Variants in GNAO1 observed in about 807,000 individuals in gnomAD.
The protein encoded by GNAO1 is guanine nucleotide-binding protein G(o) subunit alpha.
For missense variants in GNAO1, 166 were observed against 478.7 expected (o/e 0.35, Z 6.10); for synonymous variants, 164 against 180.7 (o/e 0.91, Z 0.74).
intron 4 of GNAO1, among the ~76,000 whole-genome samples, chr16:56,333,871 T>A (rs1275591682): frequency 6.6e-6 from 1 of 152,208 alleles, no homozygotes; most frequent in African/African-American, 2.4e-5. Flanking sequence ...CCTGGCAGGC[T>A]CCATGGATCA....
chr16:56,234,497 C>G (rs1260141268), intron 2 of GNAO1, among the ~76,000 whole-genome samples: 1 of 152,252 alleles, frequency 6.6e-6, no homozygotes, highest in Non-Finnish European at 1.5e-5. Context: ...GCCAGGCCTG[C>G]AGTTCCTCAG....
intron 2 of GNAO1, among the ~76,000 whole-genome samples, chr16:56,228,134 T>C (rs2036550155): frequency 6.6e-6 from 1 of 152,170 alleles, no homozygotes; most frequent in Admixed American, 6.6e-5. Context: ...CTGGTGGCAC[T>C]TTGCAGAGCC....
chr16:56,355,386 G>C (rs1421243643), intron 8 of GNAO1: 1 of 152,510 alleles, frequency 6.6e-6, no homozygotes, highest in Non-Finnish European at 1.5e-5. Flanking sequence ...TGGGAGCTTG[G>C]TTTGGGAGTC....
chr16:56,284,721 C>T (rs776706872), intron 3 of GNAO1, among the ~76,000 whole-genome samples: 1 of 152,140 alleles, frequency 6.6e-6, no homozygotes, highest in Non-Finnish European at 1.5e-5. Flanking sequence ...TTCATCATGC[C>T]CAGTGCTAGC....
In GNAO1 at chr16:56,192,081, C is replaced by G. The variant is rs372008796; in HGVS notation, c.-155C>G. Reference sequence around the variant, plus strand: ...TTAGCGGCTGTCTTTTTGGAGGGTTCTGGTTTCCCGACATTTTTGTTTCCA... The same window carrying G: ...TTAGCGGCTGTCTTTTTGGAGGGTTGTGGTTTCCCGACATTTTTGTTTCCA... On this transcript the variant is annotated 5_prime_UTR_variant, in exon 1 of 9. Coordinates refer to ENST00000262493, the MANE Select transcript of GNAO1 (RefSeq NM_020988.3). 58 of 602,260 alleles carry G rather than the reference C, an allele frequency of 9.6e-5. No homozygotes were observed. The East Asian group carries it at 1.2e-3, about 13-fold the overall frequency. The allele number at this position is 602,260 out of a possible 1,614,324, so 37.3% of individuals were successfully genotyped here. A position where few individuals can be genotyped will look rare whatever the true frequency, so the allele number is the denominator to read the frequency against.
At chr16:56,289,403 G>T (rs552078391) in intron 3 of GNAO1, among the ~76,000 whole-genome samples, 3 of 152,202 alleles carry the variant, frequency 2.0e-5, no homozygotes, top group Non-Finnish European at 4.4e-5. Context: ...GTCCCCACCC[G>T]GTGGGGATGG....
chr16:56,271,287 A>G (rs1353543198), intron 2 of GNAO1, among the ~76,000 whole-genome samples: 1 of 152,192 alleles, frequency 6.6e-6, no homozygotes, highest in Non-Finnish European at 1.5e-5. Flanking sequence ...TGTAAAGAGG[A>G]GATAATTTAT....
intron 2 of GNAO1, among the ~76,000 whole-genome samples, chr16:56,220,566 A>C (rs1453191829): frequency 1.3e-5 from 2 of 150,652 alleles, no homozygotes; most frequent in African/African-American, 2.4e-5. Context: ...TGCATTTTTT[A>C]ATTTAAAAAA....
chr16:56,239,607 A>G (rs900265918), intron 2 of GNAO1, among the ~76,000 whole-genome samples: 2 of 152,242 alleles, frequency 1.3e-5, no homozygotes, highest in Non-Finnish European at 2.9e-5. Context: ...CACATTCTTC[A>G]GGTTCTAATG....
chr16:56,306,095 A>C (rs565246339), intron 3 of GNAO1, among the ~76,000 whole-genome samples: 1 of 152,224 alleles, frequency 6.6e-6, no homozygotes, highest in Non-Finnish European at 1.5e-5. Flanking sequence ...TGAATGCTGC[A>C]GCAGGCTGAG....
Position 56,212,427 on chromosome 16 carries a change from C to G in GNAO1, c.161+19811C>G, listed in dbSNP as rs80006723. ...GCTTCGATAAGCTTTGTGGAATGTTCCTGTCTCTTGGCTGACTGTCATCTC... is the reference window on the plus strand; with the variant it reads ...GCTTCGATAAGCTTTGTGGAATGTTGCTGTCTCTTGGCTGACTGTCATCTC... On this transcript the variant is annotated intron_variant, in intron 2 of 8. Transcript: ENST00000262493. Among the ~76,000 whole-genome samples, 170 of 152,306 alleles carry G rather than the reference C, an allele frequency of 1.1e-3. 2 individuals are homozygous for G. In the East Asian group the frequency reaches 0.031, roughly 28 times the overall value.
At chr16:56,353,587 A>T (rs1329448850) in intron 7 of GNAO1, 1 of 152,222 alleles carries the variant, frequency 6.6e-6, no homozygotes, top group East Asian at 1.9e-4. Flanking sequence ...CTGTGTGAGG[A>T]CGCTGGGCTC....
intron 6 of GNAO1, chr16:56,345,541 CAAATGCCTG>C (rs763629773): frequency 0.041 from 40,645 of 985,118 alleles, 1,144 homozygotes; most frequent in African/African-American, 0.11. Flanking sequence ...TCCCTAGTGC[CAAATGCCTG>C]CAGGGACCGG....
At chr16:56,335,870 CCT>C in intron 5 of GNAO1, among the ~76,000 whole-genome samples, 2 of 152,274 alleles carry the variant, frequency 1.3e-5, no homozygotes, top group East Asian at 3.9e-4. Flanking sequence ...GGGAGGATCC[CCT>C]GATTGATGGA....
chr16:56,305,048 C>T (rs1193660457), intron 3 of GNAO1, among the ~76,000 whole-genome samples: 3 of 152,224 alleles, frequency 2.0e-5, no homozygotes, highest in Admixed American at 6.5e-5. Flanking sequence ...CAGCCTGGCT[C>T]TCTTGGATCT....
chr16:56,244,149 G>A (rs1220319307), intron 2 of GNAO1, among the ~76,000 whole-genome samples: 1 of 152,186 alleles, frequency 6.6e-6, no homozygotes, highest in Non-Finnish European at 1.5e-5. Flanking sequence ...CCCATGGGGA[G>A]CTGTAATCTA....
chr16:56,312,901 A>G (rs2037474233), intron 3 of GNAO1, among the ~76,000 whole-genome samples: 1 of 152,174 alleles, frequency 6.6e-6, no homozygotes, highest in Non-Finnish European at 1.5e-5. Flanking sequence ...GAGAGCCTCA[A>G]AAAGAAAGTC....
At chr16:56,226,793 A>G (rs564297492) in intron 2 of GNAO1, among the ~76,000 whole-genome samples, 69 of 152,350 alleles carry the variant, frequency 4.5e-4, no homozygotes, top group African/African-American at 1.5e-3. Context: ...GCAAGGGACC[A>G]AGAAACTTAA....
At chr16:56,256,108 TCTTTGTA>T (rs1271917965) in intron 2 of GNAO1, among the ~76,000 whole-genome samples, 2 of 152,174 alleles carry the variant, frequency 1.3e-5, no homozygotes, top group African/African-American at 4.8e-5. Flanking sequence ...TGTTCTTTGT[TCTTTGTA>T]CCTCTGGTTA....
Sources: allele counts gnomAD v4.1 joint callset (sites outside exome capture counted in the v4.1 genomes callset), GRCh38; gene constraint gnomAD v4.1.1; transcripts MANE v1.5; gene names NCBI Gene and HGNC (gene_info 2026-07-23, HGNC 2026-07-21).